The following ABHD12 variants were observed in gnomAD, a reference collection of about 807,000 sequenced individuals.
ABHD12 encodes abhydrolase domain containing 12, lysophospholipase, also known as lysophosphatidylserine lipase ABHD12.
ABHD12 carries 43 observed loss-of-function variants against 58.3 expected under a neutral mutation model. The observed-to-expected ratio is 0.74, with a 90% confidence interval of 0.58 to 0.95. The LOEUF (loss-of-function observed/expected upper bound fraction) is 0.95. Among genes scored for constraint, ABHD12 ranks in the 40% least tolerant of loss-of-function variants. The pLI is 0.00. For missense variants in ABHD12, 539 were observed against 537.2 expected, an observed-to-expected ratio of 1.00 and a Z score of -0.03; for synonymous variants, 219 against 211.2, an observed-to-expected ratio of 1.04 and a Z score of -0.32.
chr20:25,306,218 T>C (rs1377318427), intron 10 of ABHD12, among the ~76,000 whole-genome samples: 1 of 151,720 alleles, frequency 6.6e-6, no homozygotes, highest in African/African-American at 2.4e-5. Context: ...CCAGTTAATA[T>C]CACTGTTTTA....
At chr20:25,381,498 C>T (rs1426423136) in intron 1 of ABHD12, among the ~76,000 whole-genome samples, 1 of 152,136 alleles carries the variant, frequency 6.6e-6, no homozygotes, top group Non-Finnish European at 1.5e-5. Flanking sequence ...CCAACAGACA[C>T]ATTAACTGAT....
At chr20:25,314,877 A>G (rs1382117860) in intron 6 of ABHD12, 48 bp downstream of exon 6, 2 of 1,607,358 alleles carry the variant, frequency 1.2e-6, no homozygotes, top group Admixed American at 3.3e-5. Flanking sequence ...GGATACCGCC[A>G]GCAAGCAGTG....
chr20:25,320,619 G>A (rs1262898940), intron 3 of ABHD12, among the ~76,000 whole-genome samples: 1 of 152,230 alleles, frequency 6.6e-6, no homozygotes, highest in African/African-American at 2.4e-5. Flanking sequence ...TACCACTGGG[G>A]CCTGGCAGAG....
At chr20:25,329,589 G>C (rs1276586184) in intron 2 of ABHD12, among the ~76,000 whole-genome samples, 1 of 152,228 alleles carries the variant, frequency 6.6e-6, no homozygotes, top group East Asian at 1.9e-4. Context: ...GACCTGCTCT[G>C]TCATACTTCT....
chr20:25,385,557 A>G (rs1263384302), intron 1 of ABHD12, among the ~76,000 whole-genome samples: 3 of 152,130 alleles, frequency 2.0e-5, no homozygotes, highest in Non-Finnish European at 4.4e-5. Flanking sequence ...ATATTCTGAA[A>G]CAGCACTGGC....
chr20:25,320,222 G>A lies in ABHD12; in HGVS notation c.519C>T (p.Tyr173=). Residue 173 remains tyrosine, a synonymous_variant, in exon 4 of 13, where the codon TAC becomes TAT. Coordinates refer to ENST00000339157, the MANE Select transcript of ABHD12 (RefSeq NM_001042472.3). ...ALASSHPIIL[Y]LHGNAGTRGG... is the part of the protein sequence containing the mutation. ...ACCTGGTACCTGCGTTCCCATGCAG[G>A]TACAGAATGATAGGGTGGCTGGAAG... The A allele has an allele frequency of 6.2e-7, 1 of 1,614,134 alleles. No individual in the cohort carries two copies. The highest frequency in any genetic ancestry group is 8.5e-7 in the Non-Finnish European group (1 of 1,180,034).
intron 1 of ABHD12, among the ~76,000 whole-genome samples, chr20:25,365,319 A>C (rs183194924): frequency 6.6e-6 from 1 of 152,342 alleles, no homozygotes; most frequent in African/African-American, 2.4e-5. Flanking sequence ...ACACAAATAC[A>C]GGTGCATGTT....
At chr20:25,316,294 G>C (rs2088960498) in intron 5 of ABHD12, among the ~76,000 whole-genome samples, 1 of 152,168 alleles carries the variant, frequency 6.6e-6, no homozygotes, top group Admixed American at 6.5e-5. Flanking sequence ...GAGTAGCTGG[G>C]ATTACAGGCG....
intron 1 of ABHD12, among the ~76,000 whole-genome samples, chr20:25,352,450 G>A (rs559196787): frequency 1.3e-5 from 2 of 151,648 alleles, no homozygotes; most frequent in African/African-American, 2.4e-5. Context: ...CACCACACCT[G>A]GCTAATTTTT....
At position 25,346,163 on chromosome 20, in the gene ABHD12, C is replaced by T. The variant is rs530209127; in HGVS notation, c.192-6812G>A. Among the ~76,000 whole-genome samples, 11 of 152,240 alleles carry T rather than the reference C, an allele frequency of 7.2e-5. 1 individual carries two copies. The South Asian group carries it at 1.5e-3, about 20-fold the overall frequency. ...ATCAGCAATCAAGCCATGAAAAGAA[C>T]ATGGCAGAAACTTAATATTATTTAG... On this transcript the variant is annotated intron_variant, in intron 1 of 12. Transcript: ENST00000339157.
intron 6 of ABHD12, among the ~76,000 whole-genome samples, chr20:25,313,494 C>T (rs1284972968): frequency 2.0e-5 from 3 of 152,228 alleles, no homozygotes; most frequent in East Asian, 3.9e-4. Flanking sequence ...CCTTTGTTCA[C>T]TTGTTTATCT....
At chr20:25,356,999 C>A (rs1300124090) in intron 1 of ABHD12, among the ~76,000 whole-genome samples, 1 of 152,154 alleles carries the variant, frequency 6.6e-6, no homozygotes, top group Admixed American at 6.5e-5. Flanking sequence ...ACACAGTAAA[C>A]TGAACTAAAT....
chr20:25,359,440 A>C (rs1568758706), intron 1 of ABHD12, among the ~76,000 whole-genome samples: 1 of 52,758 alleles, frequency 1.9e-5, no homozygotes, highest in Non-Finnish European at 5.7e-5. Context: ...AAAAAAAAAA[A>C]AAAAACATTT....
Position 25,329,937 on chromosome 20 carries a change from A to C in ABHD12, c.317-6507T>G, listed in dbSNP as rs561110078. ...GGCCCTTTGCTTTAAAAACAAATGC[A>C]TGGAATTGTGTTGAGGGAGGAGCCA... On this transcript the variant is annotated intron_variant, in intron 2 of 12. Transcript: ENST00000339157. 3.9e-5 allele frequency among the ~76,000 whole-genome samples: 6 copies of C among 152,348 alleles called. 1 individual carries two copies. The highest frequency in any genetic ancestry group is 1.2e-4 in the African/African-American group (5 of 41,590).
At position 25,303,354 on chromosome 20, in the gene ABHD12, C is replaced by G. The variant is rs148543371; in HGVS notation, c.1029+196G>C. The G allele has an allele frequency of 3.9e-4, 583 of 1,485,464 alleles. 1 individual carries two copies. In the African/African-American group the frequency reaches 7.0e-3, roughly 18 times the overall value. The allele number at this position is 1,485,464 out of a possible 1,614,324, so 92.0% of individuals were successfully genotyped here. ...CTGCCCCAACCTTTACACCAGACCT[C>G]CCATGTCCTTCCGAAGCAGCCTGGA... On this transcript the variant is annotated intron_variant, in intron 11 of 12. Transcript: ENST00000339157.
chr20:25,337,463 T>G (rs1010150938), intron 2 of ABHD12, among the ~76,000 whole-genome samples: 1 of 152,240 alleles, frequency 6.6e-6, no homozygotes, highest in Non-Finnish European at 1.5e-5. Flanking sequence ...CAGAGCAGTC[T>G]ACCACCTCCT....
intron 1 of ABHD12, among the ~76,000 whole-genome samples, chr20:25,372,504 C>T (rs920002103): frequency 2.0e-5 from 3 of 152,180 alleles, no homozygotes; most frequent in African/African-American, 7.2e-5. Context: ...CACACCTGGC[C>T]CTCTTTCAGC....
intron 1 of ABHD12, chr20:25,339,613 T>G (rs758172184): frequency 1.4e-6 from 2 of 1,451,140 alleles, no homozygotes; most frequent in Admixed American, 3.6e-5. Flanking sequence ...AATGATTTCT[T>G]ACACTCACCC....
At chr20:25,307,263 G>T (rs2088761921) in intron 9 of ABHD12, among the ~76,000 whole-genome samples, 1 of 152,254 alleles carries the variant, frequency 6.6e-6, no homozygotes, top group Non-Finnish European at 1.5e-5. Context: ...CCACCCCTGA[G>T]AAAGTGGGGT....
Sources: allele counts gnomAD v4.1 joint callset (sites outside exome capture counted in the v4.1 genomes callset), GRCh38; gene constraint gnomAD v4.1.1; transcripts MANE v1.5; gene names NCBI Gene and HGNC (gene_info 2026-07-23, HGNC 2026-07-21).